The following TLN2 variants were observed in gnomAD, a reference collection of about 807,000 sequenced individuals.
TLN2 encodes the protein talin 2.
A neutral mutation model predicts 294.7 loss-of-function variants in TLN2; 118 were observed. The ratio of observed to expected loss-of-function variants is 0.40; its 90% CI spans 0.34 to 0.47. TLN2 has a LOEUF of 0.47. Ranked by LOEUF, TLN2 falls within the 20% of genes least tolerant of loss-of-function variation. The pLI, the probability that TLN2 is intolerant of heterozygous loss-of-function variation, is 0.84. For missense variants in TLN2, 3,083 were observed against 3,282.2 expected, an observed-to-expected ratio of 0.94 and a Z score of 1.48; for synonymous variants, 1,431 against 1,304.5, an observed-to-expected ratio of 1.10 and a Z score of -2.09.
At chr15:62,722,209 G>T in intron 25 of TLN2, 144 bp from the exon 26 acceptor site, 1 of 920,500 alleles carries the variant, frequency 1.1e-6, no homozygotes, top group Non-Finnish European at 1.5e-6. Context: ...GTGGCAGTTT[G>T]GGAATAGGGG....
intron 32 of TLN2, among the ~76,000 whole-genome samples, chr15:62,744,776 G>A (rs1007040173): frequency 9.2e-5 from 14 of 152,096 alleles, no homozygotes; most frequent in African/African-American, 3.4e-4. Context: ...CAAAACTCCT[G>A]ACCTAGTGAT....
rs990140783 is a variant in TLN2, at chr15:62,738,272, A to G, written c.3626A>G (p.Lys1209Arg). 2.5e-6 allele frequency: 4 copies of G among 1,614,058 alleles called. No individual in the cohort carries two copies. The African/African-American group carries it at 5.3e-5, about 22-fold the overall frequency. Residue 1209 changes from lysine to arginine, a missense_variant, in exon 30 of 59, where the codon AAG (lysine) becomes AGG (arginine). Physicochemically the swap from Lys to Arg is conservative, Grantham distance 26. Coordinates refer to ENST00000636159, the MANE Select transcript of TLN2 (RefSeq NM_015059.3). ...TGCGTAAATTGCCTCCCTGGGCAGAAGGATGTGGACGTGGCCTTGAAGAGC... is the reference window on the plus strand; with the variant it reads ...TGCGTAAATTGCCTCCCTGGGCAGAGGGATGTGGACGTGGCCTTGAAGAGC... The part of the protein sequence containing the change: ...NNCVNCLPGQ[K>R]DVDVALKSIG...
chr15:62,599,300 T>C (rs2046802269), intron 2 of TLN2, among the ~76,000 whole-genome samples: 1 of 152,146 alleles, frequency 6.6e-6, no homozygotes, highest in African/African-American at 2.4e-5. Context: ...AAGGGTGATG[T>C]CCCACATTTA....
At chr15:62,623,368 A>C (rs539975406) in intron 3 of TLN2, among the ~76,000 whole-genome samples, 1 of 152,342 alleles carries the variant, frequency 6.6e-6, no homozygotes, top group South Asian at 2.1e-4. Context: ...ACAGGTCATA[A>C]GTCAAAGAGA....
intron 19 of TLN2, among the ~76,000 whole-genome samples, chr15:62,703,817 G>A (rs2058885879): frequency 6.6e-6 from 1 of 152,112 alleles, no homozygotes; most frequent in Non-Finnish European, 1.5e-5. Flanking sequence ...ACTGTCTGCA[G>A]TATCACCTCA....
intron 52 of TLN2, among the ~76,000 whole-genome samples, chr15:62,815,971 G>T (rs2067081528): frequency 6.6e-6 from 1 of 152,054 alleles, no homozygotes; most frequent in African/African-American, 2.4e-5. Flanking sequence ...TGAGCTAAAA[G>T]CCCGGGGTCA....
intron 54 of TLN2, 47 bp downstream of exon 54, chr15:62,820,657 C>T (rs1341789564): frequency 3.8e-6 from 6 of 1,590,608 alleles, no homozygotes; most frequent in Non-Finnish European, 5.1e-6. Context: ...TGGGTTCTTC[C>T]AGTGGGTGGC....
chr15:62,732,180 C>T (rs1281502795), intron 28 of TLN2, among the ~76,000 whole-genome samples: 1 of 152,120 alleles, frequency 6.6e-6, no homozygotes, highest in Non-Finnish European at 1.5e-5. Context: ...TACACTTTCC[C>T]GAAATCTTGC....
chr15:62,697,688 G>A lies in TLN2; in HGVS notation c.1293G>A (p.Lys431=). The A allele has an allele frequency of 6.3e-7, 1 of 1,595,312 alleles. No individual in the cohort carries two copies. The highest frequency in any genetic ancestry group is 8.6e-7 in the Non-Finnish European group (1 of 1,166,418). Residue 431 remains lysine (K), a splice_region_variant and synonymous_variant, in exon 15 of 59, where the codon AAG becomes AAA. Transcript: ENST00000636159. ...TMLEESVSPK[K]STILQQQFNR... is the part of the protein sequence containing the mutation. The stretch of plus-strand genomic sequence containing the variant: ...GTGACCAAACCACTTTTCCCGGCAG[G>A]TCCACCATCTTGCAGCAGCAGTTCA...
At chr15:62,418,659 G>C (rs937987597) in intron 1 of TLN2, among the ~76,000 whole-genome samples, 1 of 152,212 alleles carries the variant, frequency 6.6e-6, no homozygotes, top group Non-Finnish European at 1.5e-5. Flanking sequence ...TCAGTAAAAG[G>C]TGGTTGGATT....
intron 57 of TLN2, among the ~76,000 whole-genome samples, chr15:62,838,496 G>A (rs371671354): frequency 2.6e-5 from 4 of 152,354 alleles, no homozygotes; most frequent in South Asian, 2.1e-4. Context: ...GGAGGCAGGC[G>A]AGGTGGTTTT....
At chr15:62,488,044 C>A (rs1171550567) in intron 1 of TLN2, among the ~76,000 whole-genome samples, 1 of 151,032 alleles carries the variant, frequency 6.6e-6, no homozygotes, top group African/African-American at 2.4e-5. Flanking sequence ...CACCACTGCA[C>A]CTCCAGCCTG....
chr15:62,443,337 C>T (rs1421638315), intron 1 of TLN2, among the ~76,000 whole-genome samples: 1 of 152,164 alleles, frequency 6.6e-6, no homozygotes, highest in South Asian at 2.1e-4. Flanking sequence ...TTAACTGGTT[C>T]TAATATAAAA....
At chr15:62,685,815 C>A (rs2057238645) in intron 11 of TLN2, among the ~76,000 whole-genome samples, 1 of 152,118 alleles carries the variant, frequency 6.6e-6, no homozygotes, top group South Asian at 2.1e-4. Context: ...CAGTCTTTTT[C>A]ATTTTTTATG....
intron 28 of TLN2, among the ~76,000 whole-genome samples, chr15:62,734,312 A>T (rs564738014): frequency 2.0e-5 from 3 of 152,338 alleles, no homozygotes; most frequent in South Asian, 4.1e-4. Flanking sequence ...CATATGACAA[A>T]TGGGAAGACA....
intron 1 of TLN2, among the ~76,000 whole-genome samples, chr15:62,438,610 G>T (rs746528093): frequency 3.9e-5 from 6 of 152,198 alleles, no homozygotes; most frequent in South Asian, 2.1e-4. Flanking sequence ...GGGAAGTAGG[G>T]AGGTAGGTGG....
intron 1 of TLN2, among the ~76,000 whole-genome samples, chr15:62,548,770 C>T (rs758582758): frequency 1.3e-5 from 2 of 152,056 alleles, no homozygotes; most frequent in Admixed American, 6.5e-5. Context: ...CCTGTGGCTG[C>T]TATGTAGTGA....
chr15:62,542,769 C>T (rs1436902162), intron 1 of TLN2, among the ~76,000 whole-genome samples: 1 of 152,064 alleles, frequency 6.6e-6, no homozygotes, highest in African/African-American at 2.4e-5. Context: ...ATGTGGGCCT[C>T]ACCATCATGC....
chr15:62,550,681 CTT>C (rs1266102817), intron 1 of TLN2, among the ~76,000 whole-genome samples: 1 of 152,102 alleles, frequency 6.6e-6, no homozygotes, highest in Admixed American at 6.6e-5. Context: ...ATTGTTAAGA[CTT>C]TGCAGGACAT....
Sources: gnomAD v4.1 joint callset for allele counts (sites outside exome capture counted in the v4.1 genomes callset) on GRCh38, gnomAD v4.1.1 for gene constraint, MANE v1.5 for transcripts, NCBI Gene and HGNC (gene_info 2026-07-23, HGNC 2026-07-21) for gene names.